The following ZFHX3 variants were observed in gnomAD, a reference collection of about 807,000 sequenced individuals.
ZFHX3 encodes the protein zinc finger homeobox 3.
In ZFHX3, 42 loss-of-function variants were observed where a neutral mutation model predicts 279.1. The observed-to-expected ratio is 0.15, with a 90% CI of 0.12 to 0.19. The LOEUF (loss-of-function observed/expected upper bound fraction) is 0.19, where lower values mean the gene tolerates loss of function less well. Ranked by LOEUF, ZFHX3 falls within the 10% of genes least tolerant of loss-of-function variation. The pLI, the probability that ZFHX3 is intolerant of heterozygous loss-of-function variation, is 1.00. For missense variants in ZFHX3, 4,981 were observed against 4,754.0 expected, an observed-to-expected ratio of 1.05 and a Z score of -1.40; for synonymous variants, 2,293 against 1,957.8, an observed-to-expected ratio of 1.17 and a Z score of -4.52.
At chr16:73,182,269 C>T (rs890389623) in intron 5 of ZFHX3, among the ~76,000 whole-genome samples, 22 of 152,266 alleles carry the variant, frequency 1.4e-4, no homozygotes, top group South Asian at 1.2e-3. Flanking sequence ...CCACCCTGGC[C>T]GACACAGTGA....
At chr16:73,633,701 T>A (rs1314334352) in intron 2 of ZFHX3, among the ~76,000 whole-genome samples, 1 of 152,142 alleles carries the variant, frequency 6.6e-6, no homozygotes, top group Non-Finnish European at 1.5e-5. Context: ...CTTCAGAGTA[T>A]CAGGAACATG....
intron 1 of ZFHX3, among the ~76,000 whole-genome samples, chr16:73,881,794 T>A (rs1414559890): frequency 1.3e-5 from 2 of 151,982 alleles, no homozygotes; most frequent in African/African-American, 4.8e-5. Flanking sequence ...TCTGTTAAGA[T>A]TGTCCAAGAG....
intron 1 of ZFHX3, among the ~76,000 whole-genome samples, chr16:73,741,252 C>T (rs2053655484): frequency 6.6e-6 from 1 of 151,944 alleles, no homozygotes; most frequent in South Asian, 2.1e-4. Context: ...TAGAAAGTGA[C>T]TACATATGGA....
At chr16:73,367,752 C>T (rs2016555429) in intron 3 of ZFHX3, among the ~76,000 whole-genome samples, 1 of 152,058 alleles carries the variant, frequency 6.6e-6, no homozygotes, top group Non-Finnish European at 1.5e-5. Flanking sequence ...GGTGGCATTA[C>T]TTATTATGCA....
intron 3 of ZFHX3, among the ~76,000 whole-genome samples, chr16:73,397,272 C>G (rs191942391): frequency 5.9e-5 from 9 of 152,244 alleles, no homozygotes; most frequent in Admixed American, 4.6e-4. Flanking sequence ...GATCTGGGCG[C>G]TCAGGCAGAC....
chr16:73,452,783 G>C (rs2018299115), intron 3 of ZFHX3, among the ~76,000 whole-genome samples: 1 of 152,172 alleles, frequency 6.6e-6, no homozygotes, highest in East Asian at 1.9e-4. Context: ...GTGAGGAATT[G>C]GGAGCAAGAA....
chr16:72,829,522 A>G (rs1023528480), intron 5 of ZFHX3: 9 of 467,014 alleles, frequency 1.9e-5, no homozygotes, highest in Non-Finnish European at 2.7e-5. Context: ...TGGATACTCA[A>G]TAAGCAAGCT....
At chr16:73,279,008 C>T (rs182861470) in intron 4 of ZFHX3, among the ~76,000 whole-genome samples, 124 of 152,360 alleles carry the variant, frequency 8.1e-4, no homozygotes, top group African/African-American at 2.9e-3. Context: ...AAGTGGGGGG[C>T]ATCCCCATAC....
At chr16:72,790,305 AT>A (rs1349044474) in intron 9 of ZFHX3, 1 of 152,336 alleles carries the variant, frequency 6.6e-6, no homozygotes, top group Non-Finnish European at 1.5e-5. Flanking sequence ...GAACACCTCT[AT>A]ATTCACCATA....
At chr16:73,615,854 CCAGCTA>C (rs1386906295) in intron 2 of ZFHX3, among the ~76,000 whole-genome samples, 2 of 152,136 alleles carry the variant, frequency 1.3e-5, no homozygotes, top group Non-Finnish European at 2.9e-5. Context: ...ACCGTTCACT[CCAGCTA>C]CAGTTTTATA....
At chr16:73,062,544 A>G (rs1402460022), upstream of ZFHX3, among the ~76,000 whole-genome samples, 1 of 152,228 alleles carries the variant, frequency 6.6e-6, no homozygotes, top group Non-Finnish European at 1.5e-5. Context: ...CTTCCCTGCA[A>G]TTATCAGAAT....
At chr16:73,029,931 T>TTC (rs2144673139) in intron 1 of ZFHX3, among the ~76,000 whole-genome samples, 1 of 152,316 alleles carries the variant, frequency 6.6e-6, no homozygotes, top group Admixed American at 6.5e-5. Context: ...AGCATGCACA[T>TTC]AAACACACTT....
intron 2 of ZFHX3, among the ~76,000 whole-genome samples, chr16:72,957,152 G>C (rs1379315375): frequency 6.6e-6 from 1 of 152,144 alleles, no homozygotes; most frequent in African/African-American, 2.4e-5. Context: ...AGAGAGAATG[G>C]GAACAGAAAA....
At chr16:73,836,030 G>A (rs1460097863) in intron 1 of ZFHX3, among the ~76,000 whole-genome samples, 1 of 152,146 alleles carries the variant, frequency 6.6e-6, no homozygotes, top group South Asian at 2.1e-4. Flanking sequence ...GGAGGAAAAC[G>A]GAATTGTATT....
intron 7 of ZFHX3, among the ~76,000 whole-genome samples, chr16:72,808,314 A>C (rs932557556): frequency 3.9e-5 from 6 of 152,156 alleles, no homozygotes; most frequent in Admixed American, 3.3e-4. Context: ...GTAGGCCCAC[A>C]AATTCCCTCT....
At chr16:73,410,323 G>A (rs747796632) in intron 3 of ZFHX3, among the ~76,000 whole-genome samples, 1 of 152,178 alleles carries the variant, frequency 6.6e-6, no homozygotes, top group Non-Finnish European at 1.5e-5. Context: ...GGCTGAGGCA[G>A]GAGAATCACT....
intron 3 of ZFHX3, among the ~76,000 whole-genome samples, chr16:72,918,462 A>G (rs1187547484): frequency 6.6e-6 from 1 of 152,228 alleles, no homozygotes; most frequent in Non-Finnish European, 1.5e-5. Flanking sequence ...AGTTTTAAAA[A>G]GTCACAAAAA....
At chr16:72,891,406 A>C (rs1162004176) in intron 3 of ZFHX3, among the ~76,000 whole-genome samples, 1 of 152,178 alleles carries the variant, frequency 6.6e-6, no homozygotes, top group Non-Finnish European at 1.5e-5. Context: ...GGAAGACTTA[A>C]AGACGACCCA....
intron 1 of ZFHX3, among the ~76,000 whole-genome samples, chr16:73,697,036 G>T (rs2053203962): frequency 6.6e-6 from 1 of 152,132 alleles, no homozygotes; most frequent in Admixed American, 6.6e-5. Context: ...AGAAAAAAGA[G>T]AAAATGTGGC....
Sources: gnomAD v4.1 joint callset for allele counts (sites outside exome capture counted in the v4.1 genomes callset) on GRCh38, gnomAD v4.1.1 for gene constraint, MANE v1.5 for transcripts, NCBI Gene and HGNC (gene_info 2026-07-23, HGNC 2026-07-21) for gene names.